CHTF18: variants seen among roughly 807,000 people sequenced by gnomAD.
CHTF18 encodes chromosome transmission fidelity protein 18 homolog.
A neutral mutation model predicts 113.4 loss-of-function variants in CHTF18; 151 were observed. The observed-to-expected ratio is 1.33, with a 90% CI of 1.17 to 1.52. CHTF18 has a LOEUF of 1.52. Ranked by LOEUF, CHTF18 falls within the 40% of genes most tolerant of loss-of-function variation. The pLI, the probability that CHTF18 is intolerant of heterozygous loss-of-function variation, is 0.00. For synonymous variants in CHTF18, 916 were observed against 598.8 expected (o/e 1.53, Z -7.74); for missense variants, 1,982 against 1,381.6 (o/e 1.43, Z -6.89).
rs1430142784 is a variant in CHTF18, at chr16:797,677, G to A, written c.2734-17G>A. The A allele has an allele frequency of 1.2e-6, 2 of 1,611,438 alleles. No homozygotes were observed. Among genetic ancestry groups the A allele is most frequent in the East Asian group, 4.5e-5 (2 of 44,852 alleles). On this transcript the variant is annotated splice_polypyrimidine_tract_variant and intron_variant, in intron 20 of 21. Coordinates refer to ENST00000262315, the MANE Select transcript of CHTF18 (RefSeq NM_022092.3). Reference sequence around the variant, plus strand: ...GGCATCTGTCCTATACGACTGACTAGTCCTTCCTCCCATCAGCCTGAGAAG... The same window carrying A: ...GGCATCTGTCCTATACGACTGACTAATCCTTCCTCCCATCAGCCTGAGAAG...
In CHTF18 at chr16:790,240, G is replaced by GCCTC; in HGVS notation, c.674_677dup (p.Lys227ProfsTer42). 6.2e-7 allele frequency: 1 copy of GCCTC among 1,606,866 alleles called. No individual in the cohort carries two copies. Among genetic ancestry groups the GCCTC allele is most frequent in the East Asian group, 2.2e-5 (1 of 44,592 alleles). Reference sequence around the variant, plus strand: ...GCTGGACCTGCTGGGTGTGTCCTTAGCCTCCCTGAAGAAGCAGGTCGACGG... The same window carrying GCCTC: ...GCTGGACCTGCTGGGTGTGTCCTTAGCCTCCCTCCCTGAAGAAGCAGGTCGACGG... On this transcript the variant is annotated frameshift_variant, in exon 5 of 22. Transcript: ENST00000262315. LOFTEE classifies it high-confidence loss of function.
chr16:792,084 T>C, intron 9 of CHTF18, 136 bp downstream of exon 9: 1 of 1,533,076 alleles, frequency 6.5e-7, no homozygotes. Flanking sequence ...CGGGAAAACG[T>C]GTCCTTCCTC....
At chr16:789,951 C>T (rs903154022) in intron 4 of CHTF18, 5 of 1,527,240 alleles carry the variant, frequency 3.3e-6, no homozygotes, top group Non-Finnish European at 4.4e-6. Context: ...TGCTTCCCCT[C>T]CTGCTTTTGC....
chr16:789,885 C>G (rs1230962917), intron 4 of CHTF18, 170 bp downstream of exon 4: 8 of 1,348,246 alleles, frequency 5.9e-6, no homozygotes, highest in Middle Eastern at 1.8e-4. Context: ...CACAGCCTCC[C>G]CACAGCAGGT....
At chr16:793,313 T>C (rs1197827196) in intron 14 of CHTF18, 39 bp downstream of exon 14, 1 of 1,599,342 alleles carries the variant, frequency 6.3e-7, no homozygotes, top group African/African-American at 1.3e-5. Context: ...ATGCTCACGG[T>C]GCCCGGACCT....
At chr16:790,823 A>G (rs1443132914) in intron 7 of CHTF18, 157 bp downstream of exon 7, 2 of 1,433,128 alleles carry the variant, frequency 1.4e-6, no homozygotes, top group East Asian at 2.5e-5. Flanking sequence ...AACTGAGCAC[A>G]GGGCTGTGTG....
chr16:791,473 T>G (rs1464039510), intron 8 of CHTF18, 103 bp downstream of exon 8: 9 of 1,462,292 alleles, frequency 6.2e-6, no homozygotes, highest in Non-Finnish European at 8.1e-6. Context: ...GTGGGTGTGG[T>G]GACGTGTGGG....
Position 791,848 on chromosome 16 carries a change from C to T in CHTF18, c.1105-3C>T, listed in dbSNP as rs368347168. 39 of 1,601,354 alleles carry T rather than the reference C, an allele frequency of 2.4e-5. No individual in the cohort carries two copies. Among genetic ancestry groups the T allele is most frequent in the Middle Eastern group, 1.6e-4 (1 of 6,068 alleles). ...ACTACGCCTTCATCTACCTGGGCTG[C>T]AGGTGGCACTGCTCTGTGGGCCCCC... On this transcript the variant is annotated splice_region_variant and splice_polypyrimidine_tract_variant and intron_variant, in intron 8 of 21. Transcript: ENST00000262315.
rs752506461 is a variant in CHTF18 at position 789,983 on chromosome 16, G to C, written c.607-194G>C. On this transcript the variant is annotated intron_variant, in intron 4 of 21. Coordinates refer to ENST00000262315, the MANE Select transcript of CHTF18 (RefSeq NM_022092.3). ...TTGCCCTTTCCTCCTTTCTCCTAAA[G>C]CTGCCCCCAATTTCCCTTTGCAGCT... The C allele has an allele frequency of 4.6e-6, 7 of 1,535,180 alleles. No individual in the cohort carries two copies. In the East Asian group the frequency reaches 7.3e-5, roughly 16 times the overall value.
In CHTF18 at chr16:797,602, C is replaced by T. The variant is rs2042389600; in HGVS notation, c.2734-92C>T. 2.8e-6 allele frequency: 4 copies of T among 1,422,020 alleles called. 1 individual carries two copies. The highest frequency in any genetic ancestry group is 3.9e-6 in the Non-Finnish European group (4 of 1,020,376). 88.1% of individuals were successfully genotyped at this position (1,422,020 alleles called of 1,614,324 possible). On this transcript the variant is annotated intron_variant, in intron 20 of 21. Coordinates refer to ENST00000262315, the MANE Select transcript of CHTF18 (RefSeq NM_022092.3). Reference sequence around the variant, plus strand: ...GTGTCTCAGAGGTGTTCTGGTCCCTCCTCCCTGGGAAGGCTCTCGGTCCTC... The same window carrying T: ...GTGTCTCAGAGGTGTTCTGGTCCCTTCTCCCTGGGAAGGCTCTCGGTCCTC...
rs750454466 is a variant in CHTF18, at chr16:789,010, C to T, written c.171C>T (p.Ala57=). 5.2e-6 allele frequency: 8 copies of T among 1,549,958 alleles called. No individual in the cohort carries two copies. Among genetic ancestry groups the T allele is most frequent in the South Asian group, 3.5e-5 (3 of 85,092 alleles). Residue 57 remains alanine (A), a synonymous_variant, in exon 2 of 22, where the codon GCC becomes GCT. Coordinates refer to ENST00000262315, the MANE Select transcript of CHTF18 (RefSeq NM_022092.3). ...RPPRTFEEAL[A]RGDAASSPAP... ...CGCGGACGTTCGAGGAGGCCCTTGCCAGAGGGGACGCGGCCTCCAGTCCCG... is the reference window on the plus strand; with the variant it reads ...CGCGGACGTTCGAGGAGGCCCTTGCTAGAGGGGACGCGGCCTCCAGTCCCG...
In CHTF18 at chr16:794,782, C is replaced by T. The variant is rs532115663; in HGVS notation, c.1951-350C>T. On this transcript the variant is annotated intron_variant, in intron 15 of 21. Coordinates refer to ENST00000262315, the MANE Select transcript of CHTF18 (RefSeq NM_022092.3). ...GCCTGGACTCTGGTGGGCGGAACTT[C>T]CTCAGGCAGTCTAAGGAGGGGCTGA... 1.8e-4 allele frequency: 56 copies of T among 316,944 alleles called. No homozygotes were observed. The Middle Eastern group carries it at 5.0e-3, about 28-fold the overall frequency. The allele number at this position is 316,944 out of a possible 1,614,324, so 19.6% of individuals were successfully genotyped here.
chr16:793,706 T>G (rs529262236), intron 14 of CHTF18: 2 of 629,392 alleles, frequency 3.2e-6, no homozygotes, highest in East Asian at 6.5e-5. Flanking sequence ...CCCCAGGGGA[T>G]GCTGGCCTGG....
chr16:797,166 C>T (rs952531382), intron 20 of CHTF18, 74 bp downstream of exon 20: 159 of 1,425,492 alleles, frequency 1.1e-4, no homozygotes, highest in African/African-American at 5.2e-4. Context: ...AGTCATGAGG[C>T]GGGGCCAAGG....
chr16:792,749 C>G lies in CHTF18; in HGVS notation c.1510C>G (p.Gln504Glu), dbSNP rs1270478134. The change falls in exon 12 of 22, where the codon CAG becomes GAG. Residue 504 changes from glutamine to glutamate, a missense_variant. Physicochemically the swap from Gln to Glu is conservative, Grantham distance 29. Transcript: ENST00000262315. ...ACCGTCCCTGCGGCAGCTGAAGCAG[C>G]AGGCCTTCCTGCTCCACTTCCCGCC... Reference protein sequence around the residue: ...FAPSLRQLKQQAFLLHFPPTL... With the variant: ...FAPSLRQLKQEAFLLHFPPTL... The G allele has an allele frequency of 1.9e-6, 3 of 1,553,012 alleles. No individual in the cohort carries two copies. The highest frequency in any genetic ancestry group is 2.6e-6 in the Non-Finnish European group (3 of 1,153,676).
rs975873800 is a variant in CHTF18 at position 794,306 on chromosome 16, G to A, written c.1950+105G>A. 1.6e-5 allele frequency: 22 copies of A among 1,367,664 alleles called. No homozygotes were observed. The African/African-American group carries it at 2.2e-4, about 13-fold the overall frequency. The allele number at this position is 1,367,664 out of a possible 1,614,324, so 84.7% of individuals were successfully genotyped here. A position where few individuals can be genotyped will look rare whatever the true frequency, so the allele number is the denominator to read the frequency against. On this transcript the variant is annotated intron_variant, in intron 15 of 21. Transcript: ENST00000262315. Reference sequence around the variant, plus strand: ...CCGTATGGACGGGGAGGCGCTTTGGGGGTGCTGAGAGAGGCAGGTTCGGGA... The same window carrying A: ...CCGTATGGACGGGGAGGCGCTTTGGAGGTGCTGAGAGAGGCAGGTTCGGGA...
chr16:790,146 C>T, intron 4 of CHTF18, 31 bp from the exon 5 acceptor site: 2 of 1,564,096 alleles, frequency 1.3e-6, no homozygotes, highest in Non-Finnish European at 8.6e-7. Context: ...CTAGGAGGGG[C>T]CCAGAGGCAA....
chr16:795,166 G>A lies in CHTF18; in HGVS notation c.1985G>A (p.Arg662Gln), dbSNP rs927638441. The A allele has an allele frequency of 1.0e-5, 16 of 1,555,768 alleles. No individual in the cohort carries two copies. In the Admixed American group the frequency reaches 1.3e-4, roughly 13 times the overall value. The change falls in exon 16 of 22, where the codon CGA becomes CAA. Residue 662 changes from arginine to glutamine, a missense_variant. Transcript: ENST00000262315. The stretch of plus-strand genomic sequence containing the variant: ...GACAACTTCCTGCGTCTGCGGCTGC[G>A]AGACTCCAGCCTGGGTGCTGTGTGT... ...LFDNFLRLRL[R>Q]DSSLGAVCVA...
At position 794,199 on chromosome 16, in the gene CHTF18, C is replaced by T. The variant is rs758957001; in HGVS notation, c.1948C>T (p.Gln650Ter). ...ASAGEHEKVV[Q>*]GLFDNFLRLR... The stretch of plus-strand genomic sequence containing the variant: ...TGCGGGCGAGCACGAGAAGGTGGTC[C>T]AGGTACCTGTCTTCCACCAAAATGC... The change falls in exon 15 of 22, where the codon CAG (glutamine) becomes TAG (stop). Residue 650 changes from glutamine to a stop codon, truncating the protein, a stop_gained and splice_region_variant. Coordinates refer to ENST00000262315, the MANE Select transcript of CHTF18 (RefSeq NM_022092.3). LOFTEE classifies it high-confidence loss of function. 1.9e-6 allele frequency: 3 copies of T among 1,610,156 alleles called. No individual in the cohort carries two copies. Among genetic ancestry groups the T allele is most frequent in the Non-Finnish European group, 2.5e-6 (3 of 1,177,944 alleles).
Sources: gnomAD v4.1 joint callset for allele counts on GRCh38, gnomAD v4.1.1 for gene constraint, MANE v1.5 for transcripts, NCBI Gene and HGNC (gene_info 2026-07-23, HGNC 2026-07-21) for gene names.